The following MMP26 variants were observed in gnomAD, a reference collection of about 807,000 sequenced individuals.
MMP26 encodes matrix metalloproteinase-26.
In MMP26, 33 loss-of-function variants were observed where a neutral mutation model predicts 31.0. That is an observed-to-expected ratio of 1.06 (90% CI 0.81 to 1.42). MMP26 has a LOEUF of 1.42. Among genes scored for constraint, MMP26 ranks in the 40% most tolerant of loss-of-function variants. The pLI, the probability that MMP26 is intolerant of heterozygous loss-of-function variation, is 0.00. For missense variants in MMP26, 347 were observed against 316.1 expected (o/e 1.10, Z -0.74); for synonymous variants, 122 against 114.9 (o/e 1.06, Z -0.40).
At position 4,896,729 on chromosome 11, in the gene MMP26, T is replaced by C. The variant is rs543642218; in HGVS notation, c.-144-91339T>C. ...TATAATTTACACATGGTAAGATGGA[T>C]AAACACAAAGTGTATAGCTAAATGG... On this transcript the variant is annotated intron_variant, in intron 2 of 7. Coordinates refer to ENST00000380390, the MANE Select transcript of MMP26 (RefSeq NM_021801.5). 5.9e-5 allele frequency among the ~76,000 whole-genome samples: 9 copies of C among 152,306 alleles called. No individual in the cohort carries two copies. The South Asian group carries it at 1.9e-3, about 32-fold the overall frequency.
chr11:4,791,167 A>C (rs1204038774), intron 2 of MMP26, among the ~76,000 whole-genome samples: 1 of 152,318 alleles, frequency 6.6e-6, no homozygotes, highest in East Asian at 1.9e-4. Flanking sequence ...GAATCTGAGA[A>C]TCTACCACAG....
chr11:4,746,037 A>G (rs1319314719), intron 1 of MMP26, among the ~76,000 whole-genome samples: 15 of 152,200 alleles, frequency 9.9e-5, no homozygotes, highest in Non-Finnish European at 1.5e-5. Flanking sequence ...GCCTTGTACT[A>G]TAGTTGTTAT....
chr11:4,786,296 T>C (rs1408058190), intron 2 of MMP26, among the ~76,000 whole-genome samples: 2 of 152,156 alleles, frequency 1.3e-5, no homozygotes, highest in Non-Finnish European at 2.9e-5. Flanking sequence ...GAGGAATAAC[T>C]GCAACTCAGA....
At chr11:4,898,615 T>C (rs1327816817) in intron 2 of MMP26, among the ~76,000 whole-genome samples, 2 of 152,184 alleles carry the variant, frequency 1.3e-5, no homozygotes, top group Non-Finnish European at 1.5e-5. Context: ...CTCTGGGTTA[T>C]AGTAACAAAA....
intron 2 of MMP26, among the ~76,000 whole-genome samples, chr11:4,864,267 G>A (rs1850204974): frequency 6.6e-6 from 1 of 152,124 alleles, no homozygotes; most frequent in South Asian, 2.1e-4. Flanking sequence ...GTATTTCTCT[G>A]TAAGGATGTT....
chr11:4,897,054 A>G (rs1451965940), intron 2 of MMP26, among the ~76,000 whole-genome samples: 1 of 152,038 alleles, frequency 6.6e-6, no homozygotes, highest in African/African-American at 2.4e-5. Flanking sequence ...GTATCTTTTT[A>G]TATCCCTTTA....
At chr11:4,872,554 A>G (rs1850324623) in intron 2 of MMP26, among the ~76,000 whole-genome samples, 2 of 151,912 alleles carry the variant, frequency 1.3e-5, no homozygotes, top group Admixed American at 1.3e-4. Context: ...AATAGCAGAT[A>G]GTTTCTTATC....
At chr11:4,883,613 T>A (rs534185225) in intron 2 of MMP26, among the ~76,000 whole-genome samples, 1 of 152,244 alleles carries the variant, frequency 6.6e-6, no homozygotes, top group African/African-American at 2.4e-5. Context: ...CCATAGCTAC[T>A]CCATTGCTAA....
chr11:4,889,210 G>T (rs1850583539), intron 2 of MMP26, among the ~76,000 whole-genome samples: 1 of 152,046 alleles, frequency 6.6e-6, no homozygotes, highest in African/African-American at 2.4e-5. Context: ...AGGACCCCAA[G>T]GATGCCAAAA....
rs558090645 is a variant in MMP26, at chr11:4,991,696, G to GT, written c.595+207dup. ...CATAATAAACACATTGTCAGATTGT[G>GT]TTTTTTTCTCCTTATCTCTTTGCTT... On this transcript the variant is annotated intron_variant, in intron 6 of 7. Coordinates refer to ENST00000380390, the MANE Select transcript of MMP26 (RefSeq NM_021801.5). Among the ~76,000 whole-genome samples the GT allele has an allele frequency of 2.0e-3, 310 of 152,178 alleles. 2 individuals carry two copies. Among genetic ancestry groups the GT allele is most frequent in the African/African-American group, 7.1e-3 (293 of 41,514 alleles).
chr11:4,876,920 CT>C (rs1342841342), intron 2 of MMP26: 1 of 156,132 alleles, frequency 6.4e-6, no homozygotes, highest in African/African-American at 2.4e-5. Flanking sequence ...TGGCCATGGC[CT>C]TTGATCGCTT....
chr11:4,782,112 A>C (rs1489108257), intron 2 of MMP26, among the ~76,000 whole-genome samples: 2 of 152,220 alleles, frequency 1.3e-5, no homozygotes, highest in Non-Finnish European at 2.9e-5. Flanking sequence ...AAGATACCCC[A>C]AAAATATGGA....
chr11:4,991,530 C>G (rs759773401), intron 6 of MMP26, 34 bp downstream of exon 6: 3 of 1,605,836 alleles, frequency 1.9e-6, no homozygotes, highest in South Asian at 2.2e-5. Context: ...CGCTAGAACT[C>G]TCTGGGAACC....
chr11:4,923,774 A>G, intron 2 of MMP26: 1 of 1,614,132 alleles, frequency 6.2e-7, no homozygotes, highest in Non-Finnish European at 8.5e-7. Context: ...AGAGCAGGCC[A>G]GCTTCATGAT....
At chr11:4,750,099 T>A (rs1208012471) in intron 1 of MMP26, among the ~76,000 whole-genome samples, 1 of 151,830 alleles carries the variant, frequency 6.6e-6, no homozygotes, top group Admixed American at 6.6e-5. Context: ...CAATAACAAA[T>A]AACTATTAAA....
At chr11:4,735,972 C>T (rs987858989) in intron 1 of MMP26, among the ~76,000 whole-genome samples, 3 of 151,764 alleles carry the variant, frequency 2.0e-5, no homozygotes, top group Non-Finnish European at 4.4e-5. Context: ...TTGTTCATTC[C>T]TTAAGAGTAG....
In MMP26 at chr11:4,988,236, A is replaced by G. The variant is rs1589825460; in HGVS notation, c.25A>G (p.Thr9Ala). 2 of 1,613,952 alleles carry G rather than the reference A, an allele frequency of 1.2e-6. No individual in the cohort carries two copies. The change falls in exon 3 of 8, where the codon ACT becomes GCT. Residue 9 changes from threonine to alanine, a missense_variant. Thr to Ala is a moderately conservative substitution (Grantham distance 58). Coordinates refer to ENST00000380390, the MANE Select transcript of MMP26 (RefSeq NM_021801.5). Reference sequence around the variant, plus strand: ...CATGCAGCTCGTCATCTTAAGAGTTACTATCTTCTTGCCCTGGTGTTTCGC... The same window carrying G: ...CATGCAGCTCGTCATCTTAAGAGTTGCTATCTTCTTGCCCTGGTGTTTCGC... MQLVILRV[T>A]IFLPWCFAVP...
At chr11:4,950,205 G>A (rs1846358175) in intron 2 of MMP26, among the ~76,000 whole-genome samples, 1 of 122,734 alleles carries the variant, frequency 8.1e-6, no homozygotes, top group South Asian at 2.4e-4. Context: ...GAAAAACTAT[G>A]GTAATATTTT....
chr11:4,949,075 T>G lies in MMP26; in HGVS notation c.-144-38993T>G, dbSNP rs1846346983. On this transcript the variant is annotated intron_variant, in intron 2 of 7. Coordinates refer to ENST00000380390, the MANE Select transcript of MMP26 (RefSeq NM_021801.5). ...TTGTGGACCAAATCAATTTGTTTCATGACAATTTAAAGTAAGCTACAGTAA... is the reference window on the plus strand; with the variant it reads ...TTGTGGACCAAATCAATTTGTTTCAGGACAATTTAAAGTAAGCTACAGTAA... Among the ~76,000 whole-genome samples the G allele has an allele frequency of 1.6e-5, 2 of 125,136 alleles. 1 individual carries two copies. The highest frequency in any genetic ancestry group is 4.8e-4 in the South Asian group (2 of 4,186). 82.1% of individuals were successfully genotyped at this position (125,136 alleles called of 152,430 possible).
Sources: allele counts gnomAD v4.1 joint callset (sites outside exome capture counted in the v4.1 genomes callset), GRCh38; gene constraint gnomAD v4.1.1; transcripts MANE v1.5; gene names NCBI Gene and HGNC (gene_info 2026-07-23, HGNC 2026-07-21).